Variants in VOPP1 observed in about 807,000 individuals in gnomAD.
The protein encoded by VOPP1 is WW domain binding protein VOPP1.
VOPP1 carries 8 observed loss-of-function variants against 23.5 expected under a neutral mutation model. The observed-to-expected ratio is 0.34, with a 90% confidence interval of 0.20 to 0.61. VOPP1 has a LOEUF of 0.61. Ranked by LOEUF, VOPP1 falls within the 20% of genes least tolerant of loss-of-function variation. VOPP1 has a pLI of 0.78. For missense variants in VOPP1, 174 were observed against 238.1 expected (o/e 0.73, Z 1.77); for synonymous variants, 83 against 97.3 (o/e 0.85, Z 0.86).
intron 4 of VOPP1, among the ~76,000 whole-genome samples, chr7:55,448,171 A>G (rs1791147831): frequency 6.6e-6 from 1 of 152,170 alleles, no homozygotes; most frequent in Admixed American, 6.6e-5. Flanking sequence ...CCAGTATTTT[A>G]CTCTGAGGAA....
downstream of VOPP1, among the ~76,000 whole-genome samples, chr7:55,469,537 T>C (rs933857372): frequency 2.6e-5 from 4 of 152,204 alleles, no homozygotes; most frequent in African/African-American, 9.6e-5. Context: ...AGTGGATTTG[T>C]CGGCGCCCTG....
intron 4 of VOPP1, among the ~76,000 whole-genome samples, chr7:55,449,220 C>G (rs1460318078): frequency 6.6e-6 from 1 of 152,214 alleles, no homozygotes; most frequent in Non-Finnish European, 1.5e-5. Flanking sequence ...TGTCGGCGCC[C>G]GTGCCTCAGG....
intron 4 of VOPP1, among the ~76,000 whole-genome samples, chr7:55,483,522 C>A (rs557445908): frequency 2.0e-5 from 3 of 152,266 alleles, no homozygotes; most frequent in Admixed American, 2.0e-4. Flanking sequence ...CATCCCAATG[C>A]CCCACCCTGG....
At chr7:55,495,467 C>T (rs1284998632) in intron 3 of VOPP1, among the ~76,000 whole-genome samples, 2 of 152,208 alleles carry the variant, frequency 1.3e-5, no homozygotes, top group Non-Finnish European at 2.9e-5. Context: ...AGAAGCTTCC[C>T]ATCACCTTTT....
chr7:55,559,835 C>A (rs1797925434), intron 1 of VOPP1, among the ~76,000 whole-genome samples: 1 of 152,154 alleles, frequency 6.6e-6, no homozygotes, highest in Admixed American at 6.5e-5. Context: ...CACAGAAGAA[C>A]CTCAGAACGT....
At chr7:55,542,955 GT>G (rs1202590244) in intron 1 of VOPP1, among the ~76,000 whole-genome samples, 1 of 151,732 alleles carries the variant, frequency 6.6e-6, no homozygotes, top group Non-Finnish European at 1.5e-5. Flanking sequence ...TCGCTCTGTT[GT>G]CCAGGCTGGA....
chr7:55,452,421 T>A (rs1312632027), intron 4 of VOPP1, among the ~76,000 whole-genome samples: 1 of 152,216 alleles, frequency 6.6e-6, no homozygotes, highest in Non-Finnish European at 1.5e-5. Flanking sequence ...CTCCTGTTAA[T>A]GTTGGTATTT....
At chr7:55,443,518 C>T (rs191444843) in intron 4 of VOPP1, among the ~76,000 whole-genome samples, 35 of 152,190 alleles carry the variant, frequency 2.3e-4, no homozygotes, top group Non-Finnish European at 4.0e-4. Flanking sequence ...CACGCCACTG[C>T]GCTCCAGCCT....
intron 3 of VOPP1, among the ~76,000 whole-genome samples, chr7:55,495,937 G>A (rs1311770741): frequency 6.6e-6 from 1 of 152,182 alleles, no homozygotes; most frequent in Admixed American, 6.5e-5. Flanking sequence ...GGACTTGTGG[G>A]AGCTTCTCCA....
intron 1 of VOPP1, among the ~76,000 whole-genome samples, chr7:55,561,081 C>T (rs73698791): frequency 0.022 from 3,321 of 152,212 alleles, 123 homozygotes; most frequent in African/African-American, 0.076. Context: ...ACCATGGATG[C>T]TCTGAGATGC....
chr7:55,555,677 T>A, intron 1 of VOPP1, among the ~76,000 whole-genome samples: 1 of 152,226 alleles, frequency 6.6e-6, no homozygotes. Context: ...CGCTAGTGCA[T>A]ACCTCATTAT....
chr7:55,535,746 G>A lies in VOPP1; in HGVS notation c.55-14616C>T, dbSNP rs533811132. ...CAGCTTACAAGGAATCTTCCCTTCC[G>A]TGAACTTATTTGGTCCTAATGAGAC... On this transcript the variant is annotated intron_variant, in intron 1 of 4. Transcript: ENST00000285279. Among the ~76,000 whole-genome samples, 5 of 152,278 alleles carry A rather than the reference G, an allele frequency of 3.3e-5. No homozygotes were observed. In the South Asian group the frequency reaches 8.3e-4, roughly 25 times the overall value.
At chr7:55,447,078 G>C (rs568505823) in intron 4 of VOPP1, among the ~76,000 whole-genome samples, 1 of 152,292 alleles carries the variant, frequency 6.6e-6, no homozygotes, top group African/African-American at 2.4e-5. Flanking sequence ...TTCCCCAGGG[G>C]CTCCAGTGTG....
intron 2 of VOPP1, among the ~76,000 whole-genome samples, chr7:55,515,625 A>T (rs549161996): frequency 6.6e-6 from 1 of 152,284 alleles, no homozygotes; most frequent in African/African-American, 2.4e-5. Context: ...CACCTTTTTT[A>T]AGAAAACTGA....
chr7:55,522,087 C>T (rs920381961), intron 1 of VOPP1, among the ~76,000 whole-genome samples: 12 of 152,208 alleles, frequency 7.9e-5, no homozygotes, highest in Admixed American at 7.8e-4. Flanking sequence ...GAGGCAGGGC[C>T]GTCCTGCCCA....
intron 4 of VOPP1, among the ~76,000 whole-genome samples, chr7:55,447,153 G>A (rs1260060737): frequency 6.6e-6 from 1 of 152,182 alleles, no homozygotes; most frequent in Admixed American, 6.5e-5. Flanking sequence ...AAGGGAGACT[G>A]GACAACTGAA....
At chr7:55,518,444 TGCACAGGCCACGGCCCCATACTGAA>T (rs1250776323) in intron 2 of VOPP1, among the ~76,000 whole-genome samples, 1 of 152,230 alleles carries the variant, frequency 6.6e-6, no homozygotes, top group Non-Finnish European at 1.5e-5. Flanking sequence ...GGTTATGGAA[TGCACAGGCCACGGCCCCATACTGAA>T]GCACTCGCCG....
At chr7:55,502,696 G>A (rs926812916) in intron 2 of VOPP1, among the ~76,000 whole-genome samples, 4 of 152,344 alleles carry the variant, frequency 2.6e-5, no homozygotes, top group South Asian at 2.1e-4. Context: ...AATTAAAGTA[G>A]TAAACATTAC....
downstream of VOPP1, among the ~76,000 whole-genome samples, chr7:55,465,777 G>C (rs1791616168): frequency 6.6e-6 from 1 of 152,216 alleles, no homozygotes; most frequent in Non-Finnish European, 1.5e-5. Context: ...CAGGACTTGA[G>C]CAAGACTGTC....
Sources: gnomAD v4.1 joint callset for allele counts (sites outside exome capture counted in the v4.1 genomes callset) on GRCh38, gnomAD v4.1.1 for gene constraint, MANE v1.5 for transcripts, NCBI Gene and HGNC (gene_info 2026-07-23, HGNC 2026-07-21) for gene names.